NKAIN3: variants seen among roughly 807,000 people sequenced by gnomAD.
NKAIN3 encodes the protein sodium/potassium transporting ATPase interacting 3.
A neutral mutation model predicts 30.2 loss-of-function variants in NKAIN3; 25 were observed. The ratio of observed to expected loss-of-function variants is 0.83; its 90% confidence interval spans 0.60 to 1.16. The LOEUF (loss-of-function observed/expected upper bound fraction) is 1.16. Ranked by LOEUF, NKAIN3 falls within the 50% of genes most tolerant of loss-of-function variation. NKAIN3 has a pLI of 0.00. For synonymous variants in NKAIN3, 91 were observed against 89.6 expected (o/e 1.02, Z -0.09); for missense variants, 225 against 254.1 (o/e 0.89, Z 0.78).
At chr8:62,344,606 A>G (rs1815866640) in intron 1 of NKAIN3, among the ~76,000 whole-genome samples, 1 of 152,110 alleles carries the variant, frequency 6.6e-6, no homozygotes, top group Non-Finnish European at 1.5e-5. Flanking sequence ...GTAGAAAAGC[A>G]TACCCTATTG....
chr8:62,780,442 T>A (rs533085465), intron 4 of NKAIN3, among the ~76,000 whole-genome samples: 12 of 152,006 alleles, frequency 7.9e-5, no homozygotes, highest in Non-Finnish European at 1.3e-4. Flanking sequence ...TCTACAATGA[T>A]AGCATCATCC....
chr8:62,988,730 C>G (rs1824256943), downstream of NKAIN3, among the ~76,000 whole-genome samples: 1 of 152,266 alleles, frequency 6.6e-6, no homozygotes, highest in Non-Finnish European at 1.5e-5. Flanking sequence ...AGATCTCTGA[C>G]ATGCCCTGGA....
chr8:62,706,409 A>G (rs1814522278), intron 3 of NKAIN3, among the ~76,000 whole-genome samples: 1 of 152,084 alleles, frequency 6.6e-6, no homozygotes, highest in African/African-American at 2.4e-5. Context: ...AGAGTTCAGA[A>G]CCACTCCCTT....
intron 1 of NKAIN3, among the ~76,000 whole-genome samples, chr8:62,476,658 T>C (rs1442791886): frequency 6.6e-6 from 1 of 152,078 alleles, no homozygotes; most frequent in African/African-American, 2.4e-5. Flanking sequence ...GGTTTCACCA[T>C]GTTGGCCAGG....
At chr8:62,906,326 AT>A (rs144204894) in intron 4 of NKAIN3, among the ~76,000 whole-genome samples, 10,540 of 152,334 alleles carry the variant, frequency 0.069, 518 homozygotes, top group Middle Eastern at 0.099. Flanking sequence ...AATACGTTAC[AT>A]ATAGAAGCTT....
At chr8:62,301,948 C>G (rs1170394491) in intron 1 of NKAIN3, among the ~76,000 whole-genome samples, 2 of 152,036 alleles carry the variant, frequency 1.3e-5, no homozygotes, top group Admixed American at 1.3e-4. Context: ...ATCTTACCAC[C>G]TGTACCATTT....
At chr8:62,642,464 T>C (rs1418880339) in intron 3 of NKAIN3, among the ~76,000 whole-genome samples, 1 of 152,148 alleles carries the variant, frequency 6.6e-6, no homozygotes, top group Non-Finnish European at 1.5e-5. Flanking sequence ...TGGATAATGT[T>C]GGTGCTGACC....
intron 1 of NKAIN3, among the ~76,000 whole-genome samples, chr8:62,358,409 A>G (rs1286235245): frequency 2.0e-5 from 3 of 152,172 alleles, no homozygotes; most frequent in Non-Finnish European, 4.4e-5. Flanking sequence ...ATGGTGGTTG[A>G]TAAGGTACAA....
At chr8:62,880,452 C>T (rs1383713754) in intron 4 of NKAIN3, among the ~76,000 whole-genome samples, 2 of 152,168 alleles carry the variant, frequency 1.3e-5, no homozygotes, top group Non-Finnish European at 2.9e-5. Context: ...CATCCTCCTG[C>T]CAAGTCTGGG....
intron 4 of NKAIN3, among the ~76,000 whole-genome samples, chr8:62,793,130 GAC>G (rs1366310220): frequency 1.3e-5 from 2 of 151,920 alleles, no homozygotes; most frequent in Non-Finnish European, 2.9e-5. Context: ...TGCCTAACCT[GAC>G]ACATCCGCTT....
chr8:62,744,327 A>G (rs944461729), intron 3 of NKAIN3, among the ~76,000 whole-genome samples: 2 of 152,242 alleles, frequency 1.3e-5, no homozygotes, highest in African/African-American at 4.8e-5. Flanking sequence ...TGTGAGGAAT[A>G]GTACCATTTA....
chr8:62,378,998 G>T (rs1371637661), intron 1 of NKAIN3, among the ~76,000 whole-genome samples: 1 of 152,168 alleles, frequency 6.6e-6, no homozygotes, highest in East Asian at 1.9e-4. Context: ...GCCTGGATGG[G>T]GGCTGTACCA....
At chr8:62,778,046 C>T (rs1231988285) in intron 4 of NKAIN3, among the ~76,000 whole-genome samples, 1 of 152,050 alleles carries the variant, frequency 6.6e-6, no homozygotes, top group Non-Finnish European at 1.5e-5. Flanking sequence ...CCCTTACTTT[C>T]CCCCAGACAG....
intron 1 of NKAIN3, among the ~76,000 whole-genome samples, chr8:62,571,421 G>A (rs1387611454): frequency 1.3e-5 from 2 of 152,090 alleles, no homozygotes; most frequent in Non-Finnish European, 2.9e-5. Context: ...CCTCCCAGCT[G>A]CTTTCGTGGG....
intron 4 of NKAIN3, among the ~76,000 whole-genome samples, chr8:62,901,499 T>A (rs1160208905): frequency 6.6e-6 from 1 of 152,120 alleles, no homozygotes; most frequent in African/African-American, 2.4e-5. Context: ...TTCTCACACA[T>A]AACACCCTGG....
intron 4 of NKAIN3, chr8:62,856,567 T>A (rs1820065213): frequency 2.6e-6 from 2 of 783,996 alleles, no homozygotes; most frequent in Non-Finnish European, 4.7e-6. Flanking sequence ...GTCATTGCCA[T>A]GGGGTTGTCT....
intron 1 of NKAIN3, among the ~76,000 whole-genome samples, chr8:62,506,024 C>G (rs1807623235): frequency 1.3e-5 from 2 of 152,196 alleles, no homozygotes; most frequent in East Asian, 1.9e-4. Flanking sequence ...TGTTGCATCA[C>G]TCTGATCATT....
At chr8:62,643,018 G>C (rs1041118133) in intron 3 of NKAIN3, among the ~76,000 whole-genome samples, 2 of 151,972 alleles carry the variant, frequency 1.3e-5, no homozygotes, top group African/African-American at 4.8e-5. Context: ...AGCATTTTTT[G>C]GTTCTAGAAA....
chr8:62,542,542 G>T (rs915684625), intron 1 of NKAIN3, among the ~76,000 whole-genome samples: 1 of 152,026 alleles, frequency 6.6e-6, no homozygotes, highest in Non-Finnish European at 1.5e-5. Flanking sequence ...TATAATGGAT[G>T]ACATCTCTAT....
Sources: allele counts gnomAD v4.1 joint callset (sites outside exome capture counted in the v4.1 genomes callset), GRCh38; gene constraint gnomAD v4.1.1; transcripts MANE v1.5; gene names NCBI Gene and HGNC (gene_info 2026-07-23, HGNC 2026-07-21).